Variants in HTR4 observed in about 807,000 individuals in gnomAD.
HTR4 encodes the protein 5-hydroxytryptamine receptor 4.
A neutral mutation model predicts 36.8 loss-of-function variants in HTR4; 16 were observed. The observed-to-expected ratio is 0.43, with a 90% confidence interval of 0.29 to 0.66. The LOEUF (loss-of-function observed/expected upper bound fraction) is 0.66, where lower values mean the gene tolerates loss of function less well. Among genes scored for constraint, HTR4 ranks in the 30% least tolerant of loss-of-function variants. The pLI is 0.13. For synonymous variants in HTR4, 189 were observed against 185.1 expected (o/e 1.02, Z -0.17); for missense variants, 438 against 490.9 (o/e 0.89, Z 1.02).
At chr5:148,466,935 T>A (rs1310502091) in intron 5 of HTR4, among the ~76,000 whole-genome samples, 1 of 152,232 alleles carries the variant, frequency 6.6e-6, no homozygotes, top group Non-Finnish European at 1.5e-5. Context: ...GAAAACTACG[T>A]CTATTTTATG....
At chr5:148,466,046 C>A (rs1755418572) in intron 5 of HTR4, 1 of 1,514,226 alleles carries the variant, frequency 6.6e-7, no homozygotes. Flanking sequence ...AATAAGCTTG[C>A]CAATATTCTT....
intron 2 of HTR4, among the ~76,000 whole-genome samples, chr5:148,577,939 C>G (rs946374654): frequency 6.6e-6 from 1 of 151,740 alleles, no homozygotes; most frequent in Non-Finnish European, 1.5e-5. Flanking sequence ...ACCTATGTAA[C>G]AAACCTTCAC....
intron 4 of HTR4, among the ~76,000 whole-genome samples, chr5:148,544,285 TTCTCTCTC>T (rs1375574971): frequency 2.6e-5 from 1 of 39,012 alleles, no homozygotes. Flanking sequence ...CTTTCTCTCT[TTCTCTCTC>T]TCTCCACCTC....
At chr5:148,581,676 A>G (rs1013777733) in intron 2 of HTR4, among the ~76,000 whole-genome samples, 1 of 152,018 alleles carries the variant, frequency 6.6e-6, no homozygotes, top group African/African-American at 2.4e-5. Flanking sequence ...TGAGCCTACT[A>G]TTCTGTTCCA....
At chr5:148,565,420 G>C (rs1056417156) in intron 2 of HTR4, among the ~76,000 whole-genome samples, 2 of 152,066 alleles carry the variant, frequency 1.3e-5, no homozygotes, top group Non-Finnish European at 2.9e-5. Context: ...AGTTTTTCCA[G>C]ACACAACTGG....
chr5:148,486,162 T>G (rs114536929), intron 6 of HTR4, among the ~76,000 whole-genome samples: 412 of 152,336 alleles, frequency 2.7e-3, no homozygotes, highest in Non-Finnish European at 5.0e-3. Context: ...GTGAGAATAA[T>G]GACAGAGTGA....
intron 2 of HTR4, chr5:148,629,907 A>G (rs1464350344): frequency 1.3e-5 from 2 of 152,190 alleles, no homozygotes; most frequent in Admixed American, 1.3e-4. Flanking sequence ...TTTCTTGCCC[A>G]CTGGCTTCAG....
chr5:148,519,663 C>A (rs1757920318), intron 5 of HTR4, among the ~76,000 whole-genome samples: 1 of 152,196 alleles, frequency 6.6e-6, no homozygotes, highest in Non-Finnish European at 1.5e-5. Flanking sequence ...CATTTGTAGA[C>A]ATGCATGTGC....
In HTR4 at chr5:148,484,767, T is replaced by C. The variant is rs1234408697; in HGVS notation, c.1077-1474A>G. Among the ~76,000 whole-genome samples, 6 of 152,342 alleles carry C rather than the reference T, an allele frequency of 3.9e-5. No homozygotes were observed. The South Asian group carries it at 6.2e-4, about 16-fold the overall frequency. ...ACTATTTCTGGGTTAGATCTGAACATAGCTCTGAACATAGCTTTTGTTCAT... is the reference window on the plus strand; with the variant it reads ...ACTATTTCTGGGTTAGATCTGAACACAGCTCTGAACATAGCTTTTGTTCAT... On this transcript the variant is annotated intron_variant, in intron 6 of 6. Transcript: ENST00000377888.
chr5:148,458,704 A>G (rs1755190404), intron 5 of HTR4, among the ~76,000 whole-genome samples: 2 of 152,180 alleles, frequency 1.3e-5, no homozygotes, highest in Admixed American at 6.5e-5. Context: ...GGGCAGGCCC[A>G]TGTGGTGAGA....
chr5:148,586,790 C>T (rs1761365159), intron 2 of HTR4, among the ~76,000 whole-genome samples: 1 of 152,120 alleles, frequency 6.6e-6, no homozygotes, highest in Non-Finnish European at 1.5e-5. Flanking sequence ...GGCTACCTCT[C>T]TAAAAATCTA....
intron 2 of HTR4, among the ~76,000 whole-genome samples, chr5:148,574,369 T>C (rs1014875126): frequency 5.3e-5 from 8 of 151,234 alleles, no homozygotes; most frequent in African/African-American, 2.0e-4. Context: ...AAAGGGCAAA[T>C]ATGCTGTAAG....
At chr5:148,502,952 AAAAC>A (rs1318767864) in intron 6 of HTR4, among the ~76,000 whole-genome samples, 10 of 152,224 alleles carry the variant, frequency 6.6e-5, no homozygotes, top group East Asian at 1.9e-4. Context: ...ACAAAGAGTA[AAAAC>A]AAACAAACAA....
rs1423851347 is a variant in HTR4, at chr5:148,488,104, G to A, written c.1077-4811C>T. ...TATAAACCGTGAGGCACATAGATTT[G>A]TAATAAGTTATCAGCAAGTTTGCTT... is the stretch of plus-strand genomic sequence containing the variant. On this transcript the variant is annotated intron_variant, in intron 6 of 6. Transcript: ENST00000377888. Among the ~76,000 whole-genome samples, 2 of 152,174 alleles carry A rather than the reference G, an allele frequency of 1.3e-5. 1 individual carries two copies. The highest frequency in any genetic ancestry group is 4.1e-4 in the South Asian group (2 of 4,832).
chr5:148,577,947 C>CA (rs1760992631), intron 2 of HTR4, among the ~76,000 whole-genome samples: 1 of 151,832 alleles, frequency 6.6e-6, no homozygotes, highest in Admixed American at 6.6e-5. Context: ...AACAAACCTT[C>CA]ACATGTACCC....
intron 4 of HTR4, among the ~76,000 whole-genome samples, chr5:148,541,054 A>G (rs1759095518): frequency 6.6e-6 from 1 of 152,228 alleles, no homozygotes; most frequent in Non-Finnish European, 1.5e-5. Context: ...TGAACAATAA[A>G]CACTCAGTTA....
intron 6 of HTR4, among the ~76,000 whole-genome samples, chr5:148,505,622 C>T (rs1172074614): frequency 6.6e-6 from 1 of 152,086 alleles, no homozygotes; most frequent in African/African-American, 2.4e-5. Flanking sequence ...ATTTAGAAAA[C>T]CCCATCGTCT....
chr5:148,561,506 A>C (rs1315901669), intron 2 of HTR4, among the ~76,000 whole-genome samples: 1 of 152,220 alleles, frequency 6.6e-6, no homozygotes, highest in Non-Finnish European at 1.5e-5. Context: ...CTCTTTAAGA[A>C]AACCCATTTT....
At chr5:148,520,218 T>A (rs749902329) in intron 5 of HTR4, among the ~76,000 whole-genome samples, 3 of 152,138 alleles carry the variant, frequency 2.0e-5, no homozygotes, top group Non-Finnish European at 4.4e-5. Context: ...TCTAGGCAGG[T>A]TCAGTGTGCA....
Sources: gnomAD v4.1 joint callset for allele counts (sites outside exome capture counted in the v4.1 genomes callset) on GRCh38, gnomAD v4.1.1 for gene constraint, MANE v1.5 for transcripts, NCBI Gene and HGNC (gene_info 2026-07-23, HGNC 2026-07-21) for gene names.